The following CNTN3 variants were observed in gnomAD, a reference collection of about 807,000 sequenced individuals.
CNTN3 encodes contactin 3, also known as contactin-3.
CNTN3 carries 60 observed loss-of-function variants against 119.1 expected under a neutral mutation model. The ratio of observed to expected loss-of-function variants is 0.50; its 90% CI spans 0.41 to 0.62. The LOEUF is 0.62. Among genes scored for constraint, CNTN3 ranks in the 20% least tolerant of loss-of-function variants. The pLI is 0.00. For missense variants in CNTN3, 1,101 were observed against 1,242.4 expected (o/e 0.89, Z 1.71); for synonymous variants, 450 against 438.7 (o/e 1.03, Z -0.32).
chr3:74,566,500 C>A (rs1704228147), intron 1 of CNTN3, among the ~76,000 whole-genome samples: 1 of 152,170 alleles, frequency 6.6e-6, no homozygotes, highest in Admixed American at 6.6e-5. Flanking sequence ...CTTGCTTCTT[C>A]TAGCTTCTAG....
intron 1 of CNTN3, among the ~76,000 whole-genome samples, chr3:74,521,398 A>G (rs1248273632): frequency 6.6e-6 from 1 of 151,242 alleles, no homozygotes; most frequent in Non-Finnish European, 1.5e-5. Flanking sequence ...GATGGAAACG[A>G]TCTTATAGAA....
chr3:74,583,980 C>T (rs183968685), intron 1 of CNTN3, among the ~76,000 whole-genome samples: 59 of 152,236 alleles, frequency 3.9e-4, no homozygotes, highest in African/African-American at 1.4e-3. Flanking sequence ...GGAACTAATT[C>T]TCTCTGAGTC....
intron 3 of CNTN3, among the ~76,000 whole-genome samples, chr3:74,493,110 AG>A (rs1311999895): frequency 6.6e-6 from 1 of 152,132 alleles, no homozygotes; most frequent in African/African-American, 2.4e-5. Flanking sequence ...TTATCTTACT[AG>A]TTATTATTAT....
intron 1 of CNTN3, among the ~76,000 whole-genome samples, chr3:74,562,739 AGCGGCACCTCTGACTTCCTCCCTGCTCTG>A (rs1259097892): frequency 6.6e-6 from 1 of 152,070 alleles, no homozygotes; most frequent in African/African-American, 2.4e-5. Context: ...CCAAGTCATT[AGCGGCACCTCTGACTTCCTCCCTGCTCTG>A]CCTGGACATG....
intron 5 of CNTN3, among the ~76,000 whole-genome samples, chr3:74,392,502 A>T (rs1008029021): frequency 2.6e-5 from 4 of 152,208 alleles, no homozygotes; most frequent in Non-Finnish European, 4.4e-5. Flanking sequence ...AATATTTATA[A>T]AAATGTCAAT....
chr3:74,505,285 C>G (rs1255536644), intron 2 of CNTN3, among the ~76,000 whole-genome samples: 1 of 151,928 alleles, frequency 6.6e-6, no homozygotes, highest in Non-Finnish European at 1.5e-5. Context: ...ATGGGTTAAC[C>G]TGCTAAGAAC....
intron 1 of CNTN3, among the ~76,000 whole-genome samples, chr3:74,562,289 C>T (rs532058984): frequency 2.0e-5 from 3 of 152,264 alleles, no homozygotes; most frequent in South Asian, 2.1e-4. Context: ...GACCTGCTTT[C>T]ATTGCACTGG....
At chr3:74,274,932 T>A (rs572700948) in intron 20 of CNTN3, among the ~76,000 whole-genome samples, 1 of 152,116 alleles carries the variant, frequency 6.6e-6, no homozygotes, top group East Asian at 1.9e-4. Context: ...GAAGAAATAT[T>A]CAATGAAATA....
chr3:74,292,795 C>G (rs1365260662), intron 19 of CNTN3, among the ~76,000 whole-genome samples: 1 of 152,146 alleles, frequency 6.6e-6, no homozygotes, highest in Non-Finnish European at 1.5e-5. Flanking sequence ...AGCCACAATC[C>G]CTTACAGCTG....
chr3:74,308,859 A>G (rs2106832495), intron 13 of CNTN3, among the ~76,000 whole-genome samples: 1 of 152,296 alleles, frequency 6.6e-6, no homozygotes, highest in Admixed American at 6.5e-5. Context: ...TATAAAATGT[A>G]TATTTTTATC....
intron 5 of CNTN3, among the ~76,000 whole-genome samples, chr3:74,397,990 A>T (rs1355555474): frequency 6.6e-6 from 1 of 152,204 alleles, no homozygotes; most frequent in East Asian, 1.9e-4. Flanking sequence ...TTCAATGGAT[A>T]AGGAGTTGCT....
intron 5 of CNTN3, among the ~76,000 whole-genome samples, chr3:74,409,961 A>G (rs777245281): frequency 2.3e-4 from 35 of 152,326 alleles, no homozygotes; most frequent in Non-Finnish European, 4.7e-4. Flanking sequence ...TACTTCCAAC[A>G]TACTTCACCA....
At chr3:74,446,361 CTT>C (rs1702048335) in intron 4 of CNTN3, among the ~76,000 whole-genome samples, 2 of 152,110 alleles carry the variant, frequency 1.3e-5, no homozygotes, top group Admixed American at 1.3e-4. Flanking sequence ...ATAGGCAAGT[CTT>C]TAGGTTTATT....
chr3:74,550,800 C>T lies in CNTN3; in HGVS notation c.-80-29608G>A, dbSNP rs546963944. ...CAAGCAATCTTTCCATCTTAGCCTC[C>T]CAGAGTGCTAAGATTATAGGCATGA... On this transcript the variant is annotated intron_variant, in intron 1 of 22. Transcript: ENST00000263665. 2.0e-5 allele frequency among the ~76,000 whole-genome samples: 3 copies of T among 152,258 alleles called. No homozygotes were observed. The East Asian group carries it at 5.8e-4, about 29-fold the overall frequency.
In CNTN3 at chr3:74,554,709, T is replaced by C. The variant is rs192473064; in HGVS notation, c.-80-33517A>G. Among the ~76,000 whole-genome samples, 288 of 152,312 alleles carry C rather than the reference T, an allele frequency of 1.9e-3. 1 individual carries two copies. Among genetic ancestry groups the C allele is most frequent in the African/African-American group, 6.7e-3 (278 of 41,570 alleles). ...AATGGGAGTTCACTCATGATTTGGC[T>C]CTCTGCCTGTTATTGGTGTATAGGA... On this transcript the variant is annotated intron_variant, in intron 1 of 22. Coordinates refer to ENST00000263665, the MANE Select transcript of CNTN3 (RefSeq NM_020872.3).
chr3:74,428,032 C>T (rs1481324514), intron 4 of CNTN3, among the ~76,000 whole-genome samples: 2 of 151,922 alleles, frequency 1.3e-5, no homozygotes, highest in African/African-American at 4.8e-5. Context: ...ATGGCCAGAC[C>T]ATATTTACAA....
chr3:74,512,981 G>T (rs1007753602), intron 2 of CNTN3, among the ~76,000 whole-genome samples: 1 of 152,068 alleles, frequency 6.6e-6, no homozygotes, highest in Non-Finnish European at 1.5e-5. Flanking sequence ...TTGCCATAGA[G>T]TGAAGAAGTC....
chr3:74,332,645 A>T (rs898024461), intron 13 of CNTN3, among the ~76,000 whole-genome samples: 1 of 152,218 alleles, frequency 6.6e-6, no homozygotes, highest in East Asian at 1.9e-4. Context: ...TTACAGTCAA[A>T]CTACTTTGGA....
intron 1 of CNTN3, among the ~76,000 whole-genome samples, chr3:74,556,279 C>G (rs1704068367): frequency 1.3e-5 from 2 of 152,126 alleles, no homozygotes; most frequent in African/African-American, 4.8e-5. Context: ...CACAAGGAAA[C>G]CTTGTACTCT....
Sources: allele counts gnomAD v4.1 joint callset (sites outside exome capture counted in the v4.1 genomes callset), GRCh38; gene constraint gnomAD v4.1.1; transcripts MANE v1.5; gene names NCBI Gene and HGNC (gene_info 2026-07-23, HGNC 2026-07-21).